The following DNAJC6 variants were observed in gnomAD, a reference collection of about 807,000 sequenced individuals.
DNAJC6 encodes DnaJ heat shock protein family (Hsp40) member C6.
DNAJC6 carries 34 observed loss-of-function variants against 110.0 expected under a neutral mutation model. That is an observed-to-expected ratio of 0.31 (90% CI 0.24 to 0.41). The LOEUF (loss-of-function observed/expected upper bound fraction) is 0.41. DNAJC6 is among the 10% of genes least tolerant of loss of function. The probability of loss-of-function intolerance (pLI) is 1.00; values close to 1 mark genes in which losing one functional copy is unlikely to be tolerated. For missense variants in DNAJC6, 1,031 were observed against 1,207.8 expected, an observed-to-expected ratio of 0.85 and a Z score of 2.17; for synonymous variants, 406 against 437.2, an observed-to-expected ratio of 0.93 and a Z score of 0.89.
chr1:65,397,615 A>C (rs1001502925), intron 13 of DNAJC6, among the ~76,000 whole-genome samples: 4 of 152,116 alleles, frequency 2.6e-5, no homozygotes, highest in Non-Finnish European at 4.4e-5. Context: ...TTTGATTAGC[A>C]ACAGGGTTGA....
Position 65,401,817 on chromosome 1 carries a change from G to A in DNAJC6, c.2164G>A (p.Gly722Ser), listed in dbSNP as rs1312135548. Reference protein sequence around the residue: ...AATSPTGSSHGTPTHQSKPQT... With the variant: ...AATSPTGSSHSTPTHQSKPQT... Reference sequence around the variant, plus strand: ...CACCAGCCCAACCGGATCCTCGCATGGTACTCCCACCCATCAAAGCAAACC... The same window carrying A: ...CACCAGCCCAACCGGATCCTCGCATAGTACTCCCACCCATCAAAGCAAACC... The change falls in exon 15 of 19, where the codon GGT becomes AGT. Residue 722 changes from glycine to serine, a missense_variant. Gly to Ser is a moderately conservative substitution (Grantham distance 56). Coordinates refer to ENST00000371069, the MANE Select transcript of DNAJC6 (RefSeq NM_001256864.2). The A allele has an allele frequency of 1.2e-6, 2 of 1,613,708 alleles. No homozygotes were observed. The highest frequency in any genetic ancestry group is 2.7e-5 in the African/African-American group (2 of 74,872).
At chr1:65,346,737 TTTATGTCTG>T (rs1338837371) in intron 1 of DNAJC6, among the ~76,000 whole-genome samples, 7 of 152,062 alleles carry the variant, frequency 4.6e-5, no homozygotes, top group Non-Finnish European at 1.0e-4. Context: ...TCCTTTCACT[TTTATGTCTG>T]TCCTTGACAT....
chr1:65,392,975 A>C, intron 12 of DNAJC6, 110 bp downstream of exon 12: 1 of 1,072,792 alleles, frequency 9.3e-7, no homozygotes. Flanking sequence ...ATTTCACTGT[A>C]AGTCCTTTAG....
rs531690982 is a variant in DNAJC6 at position 65,266,794 on chromosome 1, T to TA, written c.-131+1863dup. Among the ~76,000 whole-genome samples, 20 of 152,278 alleles carry TA rather than the reference T, an allele frequency of 1.3e-4. 1 individual carries two copies. The South Asian group carries it at 4.1e-3, about 32-fold the overall frequency. On this transcript the variant is annotated intron_variant, in intron 1 of 19. Coordinates refer to the DNAJC6 transcript ENST00000263441. ...AATTGGAGGCCCAGGTTAAGGTTAA[T>TA]ATTCAACATTGTTTGAAATGGAAAC...
chr1:65,280,103 C>G (rs1259500519), intron 1 of DNAJC6, among the ~76,000 whole-genome samples: 1 of 152,032 alleles, frequency 6.6e-6, no homozygotes. Flanking sequence ...ATTAAAGGCA[C>G]CTAGCATAAT....
Position 65,413,184 on chromosome 1 carries a change from G to C in DNAJC6, c.*159G>C. 3.3e-6 allele frequency: 2 copies of C among 598,738 alleles called. No homozygotes were observed. Among genetic ancestry groups the C allele is most frequent in the Non-Finnish European group, 5.7e-6 (2 of 352,942 alleles). 37.1% of individuals were successfully genotyped at this position (598,738 alleles called of 1,614,324 possible). A position where few individuals can be genotyped will look rare whatever the true frequency, so the allele number is the denominator to read the frequency against. ...TTAATTTCTCATTGATAAGGAATGTGGATGTTTGGTTTCTCCAAAGTTCCC... is the reference window on the plus strand; with the variant it reads ...TTAATTTCTCATTGATAAGGAATGTCGATGTTTGGTTTCTCCAAAGTTCCC... On this transcript the variant is annotated 3_prime_UTR_variant, in exon 19 of 19. Coordinates refer to ENST00000371069, the MANE Select transcript of DNAJC6 (RefSeq NM_001256864.2).
intron 1 of DNAJC6, among the ~76,000 whole-genome samples, chr1:65,299,589 A>C (rs1406476324): frequency 6.6e-6 from 1 of 152,198 alleles, no homozygotes; most frequent in African/African-American, 2.4e-5. Context: ...CCCTCACTAT[A>C]TGCCAGGCCT....
At chr1:65,282,860 G>A (rs1206610983) in intron 1 of DNAJC6, among the ~76,000 whole-genome samples, 1 of 152,200 alleles carries the variant, frequency 6.6e-6, no homozygotes, top group East Asian at 1.9e-4. Context: ...GTCAGAGATT[G>A]TGTCTTGTCA....
intron 4 of DNAJC6, among the ~76,000 whole-genome samples, chr1:65,378,742 AC>A (rs1418809021): frequency 3.3e-5 from 5 of 152,192 alleles, no homozygotes; most frequent in African/African-American, 1.2e-4. Flanking sequence ...ACTCTGGATA[AC>A]CTCTGAGAGT....
At chr1:65,401,042 T>A (rs1449828877) in intron 14 of DNAJC6, among the ~76,000 whole-genome samples, 21 of 152,230 alleles carry the variant, frequency 1.4e-4, no homozygotes, top group Admixed American at 1.4e-3. Flanking sequence ...CATTTTGGTT[T>A]TGATTTGCAT....
intron 1 of DNAJC6, among the ~76,000 whole-genome samples, chr1:65,272,048 T>C (rs1007639418): frequency 2.0e-5 from 3 of 152,156 alleles, no homozygotes; most frequent in Non-Finnish European, 2.9e-5. Context: ...CCTTATACTT[T>C]TTCCCCTTTG....
intron 1 of DNAJC6, among the ~76,000 whole-genome samples, chr1:65,314,481 T>A (rs6588129): frequency 2.0e-5 from 3 of 151,994 alleles, no homozygotes; most frequent in Admixed American, 6.5e-5. Context: ...TTTATATAAC[T>A]TATTTTTTAT....
intron 4 of DNAJC6, among the ~76,000 whole-genome samples, chr1:65,375,426 CTT>C (rs34114134): frequency 4.0e-4 from 55 of 136,992 alleles, no homozygotes; most frequent in African/African-American, 5.6e-4. Context: ...TGAAGTAAAA[CTT>C]TTTTTTTTTT....
intron 1 of DNAJC6, among the ~76,000 whole-genome samples, chr1:65,336,195 C>T (rs1645334785): frequency 6.6e-6 from 1 of 152,122 alleles, no homozygotes. Flanking sequence ...GCAAACATAT[C>T]CTTCTTCATG....
chr1:65,300,570 T>A (rs1399868078), intron 1 of DNAJC6, among the ~76,000 whole-genome samples: 1 of 152,124 alleles, frequency 6.6e-6, no homozygotes, highest in African/African-American at 2.4e-5. Flanking sequence ...CACAGAAGCA[T>A]AGAAGATGGA....
At chr1:65,371,750 A>G (rs1362169901) in intron 4 of DNAJC6, among the ~76,000 whole-genome samples, 3 of 152,102 alleles carry the variant, frequency 2.0e-5, no homozygotes, top group Non-Finnish European at 4.4e-5. Flanking sequence ...TGTAATCTGT[A>G]TGGTGTCCTC....
chr1:65,381,639 G>T (rs914485763), intron 5 of DNAJC6, among the ~76,000 whole-genome samples: 22 of 152,028 alleles, frequency 1.4e-4, no homozygotes, highest in Admixed American at 5.2e-4. Flanking sequence ...CAGGTAAAAA[G>T]AGAGGCTACA....
chr1:65,388,907 G>A (rs1023179850), intron 9 of DNAJC6, among the ~76,000 whole-genome samples: 3 of 152,200 alleles, frequency 2.0e-5, no homozygotes, highest in Non-Finnish European at 4.4e-5. Flanking sequence ...TGGAGTTGCT[G>A]GGGCCAGGAT....
chr1:65,412,607 T>C (rs1570393571), intron 18 of DNAJC6, among the ~76,000 whole-genome samples: 1 of 152,146 alleles, frequency 6.6e-6, no homozygotes. Context: ...AAACAGTCAA[T>C]AGAGATGGGC....
Sources: allele counts gnomAD v4.1 joint callset (sites outside exome capture counted in the v4.1 genomes callset), GRCh38; gene constraint gnomAD v4.1.1; transcripts MANE v1.5; gene names NCBI Gene and HGNC (gene_info 2026-07-23, HGNC 2026-07-21).